Variants in OTUD7B observed in about 807,000 individuals in gnomAD.
The protein encoded by OTUD7B is OTU deubiquitinase 7B.
A neutral mutation model predicts 82.2 loss-of-function variants in OTUD7B; 34 were observed. The ratio of observed to expected loss-of-function variants is 0.41; its 90% CI spans 0.31 to 0.55. The LOEUF (loss-of-function observed/expected upper bound fraction) is 0.55. OTUD7B is among the 20% of genes least tolerant of loss of function. The probability of loss-of-function intolerance (pLI) is 0.20; values close to 1 mark genes in which losing one functional copy is unlikely to be tolerated. For missense variants in OTUD7B, 944 were observed against 1,062.1 expected (o/e 0.89, Z 1.55); for synonymous variants, 398 against 402.7 (o/e 0.99, Z 0.14).
chr1:149,959,792 C>A lies in OTUD7B; in HGVS notation c.737G>T (p.Gly246Val). 1 of 1,610,824 alleles carries A rather than the reference C, an allele frequency of 6.2e-7. No individual in the cohort carries two copies. Among genetic ancestry groups the A allele is most frequent in the Non-Finnish European group, 8.5e-7 (1 of 1,177,034 alleles). The change falls in exon 7 of 12, where the codon GGG becomes GTG. Residue 246 changes from glycine to valine, a missense_variant. This residue lies in a region of OTUD7B where 530 missense variants were observed against 625.6 expected (regional missense o/e 0.85). Transcript: ENST00000581312. The stretch of plus-strand genomic sequence containing the variant: ...CCATTCATCTTCTGTGTATACCAGC[C>A]CTGACTGTGTGAAGGACAGGCAGGG... ...WQQTQQNKES[G>V]LVYTEDEWQK...
chr1:150,014,544 T>A (rs1009667638), upstream of OTUD7B, among the ~76,000 whole-genome samples: 7 of 152,190 alleles, frequency 4.6e-5, no homozygotes, highest in Non-Finnish European at 8.8e-5. Context: ...GAATGTTCAC[T>A]ATAGCTTTAT....
chr1:150,024,549 G>C, the OTUD7B span, among the ~76,000 whole-genome samples: 1 of 152,116 alleles, frequency 6.6e-6, no homozygotes, highest in South Asian at 2.1e-4. Flanking sequence ...AATATTTTAG[G>C]AGTTTAGCCT....
At chr1:150,049,976 C>T in the OTUD7B span, among the ~76,000 whole-genome samples, 1 of 152,176 alleles carries the variant, frequency 6.6e-6, no homozygotes, top group South Asian at 2.1e-4. Context: ...CTTTGGGAGG[C>T]TGAGGCAGGA....
chr1:150,025,550 TGCATGTGA>T, the OTUD7B span, among the ~76,000 whole-genome samples: 2 of 152,190 alleles, frequency 1.3e-5, no homozygotes. Context: ...AACTTCTTTC[TGCATGTGA>T]GCATTATTCT....
chr1:149,974,352 T>C (rs1031355675), intron 2 of OTUD7B, among the ~76,000 whole-genome samples: 3 of 152,136 alleles, frequency 2.0e-5, no homozygotes, highest in African/African-American at 7.2e-5. Flanking sequence ...CTAACTGTTT[T>C]AATCATTTCT....
rs374958577 is a variant in OTUD7B, at chr1:149,948,302, C to T, written c.1238+667G>A. ...TACAGGCATAAGCCACCGCACCCAG[C>T]CTTGATCAACTCTTTAAAACTCCTC... On this transcript the variant is annotated intron_variant, in intron 10 of 11. Coordinates refer to ENST00000581312, the MANE Select transcript of OTUD7B (RefSeq NM_020205.4). Among the ~76,000 whole-genome samples, 6 of 152,212 alleles carry T rather than the reference C, an allele frequency of 3.9e-5. No homozygotes were observed. The South Asian group carries it at 6.2e-4, about 16-fold the overall frequency.
intron 2 of OTUD7B, 138 bp downstream of exon 2, chr1:149,977,288 A>T: frequency 3.2e-6 from 2 of 627,858 alleles, no homozygotes; most frequent in Non-Finnish European, 5.7e-6. Flanking sequence ...GTTATACACA[A>T]AGTATATCAT....
At chr1:150,013,969 CACACATATATAT>C (rs1653184808), upstream of OTUD7B, among the ~76,000 whole-genome samples, 1 of 131,976 alleles carries the variant, frequency 7.6e-6, no homozygotes, top group Non-Finnish European at 1.6e-5. Flanking sequence ...CACACACACA[CACACATATATAT>C]ACACACACAT....
chr1:150,053,580 G>C, the OTUD7B span, among the ~76,000 whole-genome samples: 1 of 151,810 alleles, frequency 6.6e-6, no homozygotes, highest in Admixed American at 6.6e-5. Context: ...ATTTTTAGTA[G>C]AGACGAGGTT....
At chr1:149,965,172 C>T (rs587635266) in intron 5 of OTUD7B, among the ~76,000 whole-genome samples, 27 of 152,278 alleles carry the variant, frequency 1.8e-4, no homozygotes, top group African/African-American at 6.3e-4. Flanking sequence ...GAATTACAGG[C>T]GTGAGCCATT....
chr1:149,982,252 G>GAA (rs1426065707), intron 1 of OTUD7B, among the ~76,000 whole-genome samples: 48 of 150,192 alleles, frequency 3.2e-4, no homozygotes, highest in Admixed American at 9.3e-4. Context: ...TATAAACAGA[G>GAA]AAAAAAAAAG....
the OTUD7B span, among the ~76,000 whole-genome samples, chr1:150,051,388 A>G: frequency 2.0e-5 from 3 of 152,090 alleles, no homozygotes; most frequent in African/African-American, 4.8e-5. Context: ...AATTATTGAC[A>G]TGAGTCACCT....
chr1:150,020,090 T>C, the OTUD7B span, among the ~76,000 whole-genome samples: 1 of 152,210 alleles, frequency 6.6e-6, no homozygotes, highest in Non-Finnish European at 1.5e-5. Context: ...ATCGCATCAC[T>C]ACATTCCAAC....
the OTUD7B span, among the ~76,000 whole-genome samples, chr1:150,039,112 T>C: frequency 6.6e-6 from 1 of 152,318 alleles, no homozygotes; most frequent in Non-Finnish European, 1.5e-5. Flanking sequence ...ACTCTTGTCT[T>C]TCTAATATCT....
At chr1:150,020,312 G>C in the OTUD7B span, among the ~76,000 whole-genome samples, 80 of 152,254 alleles carry the variant, frequency 5.3e-4, no homozygotes, top group African/African-American at 1.9e-3. Context: ...GAGGTGGGTG[G>C]ATCATTTGAG....
the OTUD7B span, among the ~76,000 whole-genome samples, chr1:150,065,998 A>G: frequency 1.3e-5 from 2 of 152,196 alleles, no homozygotes; most frequent in Non-Finnish European, 2.9e-5. Flanking sequence ...ATAAATCATC[A>G]AAAGGATAAA....
At chr1:149,951,580 A>T (rs1346304396) in intron 7 of OTUD7B, among the ~76,000 whole-genome samples, 1 of 152,124 alleles carries the variant, frequency 6.6e-6, no homozygotes, top group Non-Finnish European at 1.5e-5. Context: ...TGTCATTCAC[A>T]TACTCAATAT....
chr1:149,997,091 G>T (rs77563315), intron 1 of OTUD7B, among the ~76,000 whole-genome samples: 1 of 152,146 alleles, frequency 6.6e-6, no homozygotes, highest in East Asian at 1.9e-4. Context: ...CTTGGCAGAC[G>T]AAATTAAATA....
chr1:149,959,304 G>A (rs1286111069), intron 7 of OTUD7B, among the ~76,000 whole-genome samples: 3 of 151,980 alleles, frequency 2.0e-5, no homozygotes, highest in East Asian at 1.9e-4. Context: ...GGGCTCACAC[G>A]ATCCTCCTGC....
Sources: gnomAD v4.1 joint callset for allele counts (sites outside exome capture counted in the v4.1 genomes callset) on GRCh38, gnomAD v4.1.1 for gene constraint, gnomAD v4.1.1 regional missense constraint, MANE v1.5 for transcripts, NCBI Gene and HGNC (gene_info 2026-07-23, HGNC 2026-07-21) for gene names.